Variants in SEMA5A observed in about 807,000 individuals in gnomAD.
SEMA5A encodes semaphorin-5A.
SEMA5A carries 55 observed loss-of-function variants against 135.5 expected under a neutral mutation model. The observed-to-expected ratio is 0.41, with a 90% CI of 0.33 to 0.51. The LOEUF (loss-of-function observed/expected upper bound fraction) is 0.51, where lower values mean the gene tolerates loss of function less well. Ranked by LOEUF, SEMA5A falls within the 20% of genes least tolerant of loss-of-function variation. SEMA5A has a pLI of 0.37. For missense variants in SEMA5A, 1,290 were observed against 1,419.9 expected (o/e 0.91, Z 1.47); for synonymous variants, 580 against 546.5 (o/e 1.06, Z -0.85).
chr5:9,239,063 C>G (rs542162200), intron 5 of SEMA5A, among the ~76,000 whole-genome samples: 1 of 152,264 alleles, frequency 6.6e-6, no homozygotes, highest in South Asian at 2.1e-4. Context: ...TCTCTAATAT[C>G]TTCTGCCTTC....
At chr5:9,187,206 T>C (rs1744856579) in intron 11 of SEMA5A, among the ~76,000 whole-genome samples, 2 of 151,480 alleles carry the variant, frequency 1.3e-5, no homozygotes, top group Non-Finnish European at 2.9e-5. Context: ...AAAGACTGTA[T>C]GTTAAAAAAA....
chr5:9,048,430 A>T (rs549415080), intron 21 of SEMA5A, among the ~76,000 whole-genome samples: 1 of 152,220 alleles, frequency 6.6e-6, no homozygotes, highest in African/African-American at 2.4e-5. Flanking sequence ...GTAATGCTTC[A>T]TCAGTCATCT....
intron 11 of SEMA5A, 21 bp from the exon 12 acceptor site, chr5:9,154,716 A>T: frequency 6.2e-7 from 1 of 1,607,706 alleles, no homozygotes; most frequent in Non-Finnish European, 8.5e-7. Flanking sequence ...CACAGGATGA[A>T]AAGGAAACAA....
chr5:9,248,682 A>C (rs1003943550), intron 5 of SEMA5A, among the ~76,000 whole-genome samples: 1 of 152,176 alleles, frequency 6.6e-6, no homozygotes, highest in African/African-American at 2.4e-5. Flanking sequence ...TGAAGCAGGC[A>C]GAGGAAGATG....
At chr5:9,196,362 C>T (rs1049183413) in intron 10 of SEMA5A, among the ~76,000 whole-genome samples, 1 of 152,186 alleles carries the variant, frequency 6.6e-6, no homozygotes, top group African/African-American at 2.4e-5. Context: ...TGTCTCTCCA[C>T]CATGTGAAAA....
intron 6 of SEMA5A, among the ~76,000 whole-genome samples, chr5:9,232,636 T>C (rs1747697949): frequency 6.6e-6 from 1 of 152,232 alleles, no homozygotes; most frequent in Non-Finnish European, 1.5e-5. Context: ...CTATGTAATG[T>C]ACAGTGTATT....
intron 16 of SEMA5A, among the ~76,000 whole-genome samples, chr5:9,083,473 A>T (rs1738501501): frequency 6.6e-6 from 1 of 152,214 alleles, no homozygotes; most frequent in Non-Finnish European, 1.5e-5. Flanking sequence ...ACCATAATTT[A>T]AACACGTACA....
chr5:9,151,720 C>A (rs918236502), intron 12 of SEMA5A, among the ~76,000 whole-genome samples: 1 of 152,108 alleles, frequency 6.6e-6, no homozygotes. Flanking sequence ...ACTAAAGGAC[C>A]AGGCAAAAAC....
At chr5:9,367,565 T>C (rs756791934) in intron 3 of SEMA5A, among the ~76,000 whole-genome samples, 5 of 152,232 alleles carry the variant, frequency 3.3e-5, no homozygotes, top group Non-Finnish European at 7.3e-5. Context: ...ATGGCACCTC[T>C]GAAAGTGGTA....
chr5:9,110,998 C>T (rs1053548210), intron 15 of SEMA5A, among the ~76,000 whole-genome samples: 10 of 152,090 alleles, frequency 6.6e-5, no homozygotes, highest in African/African-American at 2.4e-4. Context: ...TTAGGAAGTA[C>T]GTGCAAATGT....
chr5:9,308,493 A>G (rs914821290), intron 5 of SEMA5A, among the ~76,000 whole-genome samples: 1 of 152,080 alleles, frequency 6.6e-6, no homozygotes, highest in African/African-American at 2.4e-5. Flanking sequence ...TTTCTTTGCT[A>G]TGTCACACAC....
intron 3 of SEMA5A, among the ~76,000 whole-genome samples, chr5:9,358,852 G>A (rs1326148316): frequency 3.3e-5 from 5 of 152,138 alleles, no homozygotes; most frequent in Non-Finnish European, 7.4e-5. Flanking sequence ...AAATATGCCT[G>A]GAATCTAGAA....
chr5:9,083,586 T>TTATC (rs1738512081), intron 16 of SEMA5A, among the ~76,000 whole-genome samples: 2 of 44,970 alleles, frequency 4.4e-5, no homozygotes, highest in African/African-American at 8.7e-5. Context: ...ATTCATCCAT[T>TTATC]CATCCATCCA....
chr5:9,112,212 C>T (rs1740280703), intron 15 of SEMA5A, among the ~76,000 whole-genome samples: 2 of 152,206 alleles, frequency 1.3e-5, no homozygotes, highest in African/African-American at 2.4e-5. Flanking sequence ...TGACCTAGCA[C>T]TGTTTCTCTA....
chr5:9,128,724 T>C (rs558401014), intron 13 of SEMA5A, among the ~76,000 whole-genome samples: 37 of 152,350 alleles, frequency 2.4e-4, no homozygotes, highest in African/African-American at 8.7e-4. Context: ...ATGAATTTGA[T>C]AATATCCCAA....
intron 13 of SEMA5A, among the ~76,000 whole-genome samples, chr5:9,131,910 G>T (rs927279277): frequency 1.3e-5 from 2 of 152,010 alleles, no homozygotes; most frequent in East Asian, 1.9e-4. Flanking sequence ...GGTGTGGATG[G>T]TATTCATGCA....
chr5:9,057,909 T>G (rs753506427), intron 18 of SEMA5A, among the ~76,000 whole-genome samples: 1 of 152,228 alleles, frequency 6.6e-6, no homozygotes, highest in Non-Finnish European at 1.5e-5. Flanking sequence ...TTGATTATTG[T>G]ACTAACAATT....
In SEMA5A at chr5:9,357,188, A is replaced by C. The variant is rs1579405450; in HGVS notation, c.125-19376T>G. 2.0e-5 allele frequency among the ~76,000 whole-genome samples: 3 copies of C among 152,278 alleles called. No homozygotes were observed. The South Asian group carries it at 6.2e-4, about 32-fold the overall frequency. Reference sequence around the variant, plus strand: ...ACCTCCTTTTAACTGACTTTTCATAATTATAATTCTATTTTTGATATACTG... The same window carrying C: ...ACCTCCTTTTAACTGACTTTTCATACTTATAATTCTATTTTTGATATACTG... On this transcript the variant is annotated intron_variant, in intron 3 of 22. Transcript: ENST00000382496.
intron 1 of SEMA5A, among the ~76,000 whole-genome samples, chr5:9,478,490 G>A (rs1057483206): frequency 6.6e-6 from 1 of 152,214 alleles, no homozygotes; most frequent in Admixed American, 6.5e-5. Context: ...GAACCACAGG[G>A]TCAAGGCTGC....
Sources: allele counts gnomAD v4.1 joint callset (sites outside exome capture counted in the v4.1 genomes callset), GRCh38; gene constraint gnomAD v4.1.1; transcripts MANE v1.5; gene names NCBI Gene and HGNC (gene_info 2026-07-23, HGNC 2026-07-21).